The following DCUN1D4 variants were observed in gnomAD, a reference collection of about 807,000 sequenced individuals.
The protein encoded by DCUN1D4 is DCN1-like protein 4.
In DCUN1D4, 22 loss-of-function variants were observed where a neutral mutation model predicts 47.9. The ratio of observed to expected loss-of-function variants is 0.46; its 90% confidence interval spans 0.33 to 0.66. DCUN1D4 has a LOEUF of 0.66. Among genes scored for constraint, DCUN1D4 ranks in the 30% least tolerant of loss-of-function variants. The pLI, the probability that DCUN1D4 is intolerant of heterozygous loss-of-function variation, is 0.02. For missense variants in DCUN1D4, 301 were observed against 340.8 expected (o/e 0.88, Z 0.92); for synonymous variants, 121 against 112.2 (o/e 1.08, Z -0.50).
At chr4:51,880,135 ATG>A (rs1410453846) in intron 5 of DCUN1D4, among the ~76,000 whole-genome samples, 2 of 152,172 alleles carry the variant, frequency 1.3e-5, no homozygotes, top group Non-Finnish European at 2.9e-5. Context: ...CCCCATTGGC[ATG>A]TGTTTTCATT....
chr4:51,899,256 TTC>T lies in DCUN1D4; in HGVS notation c.507-12_507-11del. On this transcript the variant is annotated splice_polypyrimidine_tract_variant and intron_variant, in intron 7 of 10. Transcript: ENST00000334635. ...GAACTCAGGTCATAATTTGCCTTTA[TTC>T]TGTTTTTCTAGATGTGATACAACAG... 2.5e-6 allele frequency: 4 copies of T among 1,583,486 alleles called. No homozygotes were observed. The highest frequency in any genetic ancestry group is 3.4e-6 in the Non-Finnish European group (4 of 1,169,508).
intron 1 of DCUN1D4, among the ~76,000 whole-genome samples, chr4:51,860,862 G>T (rs542065682): frequency 6.6e-6 from 1 of 152,236 alleles, no homozygotes; most frequent in East Asian, 1.9e-4. Context: ...ACCATCATAG[G>T]CTAAAAGATG....
At chr4:51,912,308 CTT>C (rs1164858896) in intron 9 of DCUN1D4, among the ~76,000 whole-genome samples, 3 of 152,132 alleles carry the variant, frequency 2.0e-5, no homozygotes, top group Admixed American at 6.6e-5. Context: ...GGAAATCTGA[CTT>C]TGTGTAATTC....
intron 3 of DCUN1D4, among the ~76,000 whole-genome samples, chr4:51,871,483 T>C (rs1022914767): frequency 1.4e-4 from 22 of 152,160 alleles, no homozygotes; most frequent in Admixed American, 1.2e-3. Context: ...GTAGACGTTA[T>C]TTTAAACAGT....
chr4:51,843,393 A>T (rs1283969222), intron 1 of DCUN1D4, 126 bp downstream of exon 1: 43 of 1,298,696 alleles, frequency 3.3e-5, no homozygotes, highest in Admixed American at 1.1e-4. Context: ...CCTGGGAACC[A>T]CCCCTTCCCC....
At chr4:51,842,899 T>G, upstream of DCUN1D4, 2 of 409,452 alleles carry the variant, frequency 4.9e-6, no homozygotes, top group Non-Finnish European at 7.9e-6. Flanking sequence ...CTCGGACCCC[T>G]GGGGGTGACT....
At chr4:51,895,583 A>C (rs1731137159) in intron 7 of DCUN1D4, among the ~76,000 whole-genome samples, 3 of 131,300 alleles carry the variant, frequency 2.3e-5, no homozygotes, top group Admixed American at 7.3e-5. Flanking sequence ...AAAAAAAAAA[A>C]AAAAACAGTG....
At chr4:51,874,664 G>A in intron 4 of DCUN1D4, 1 of 284,736 alleles carries the variant, frequency 3.5e-6, no homozygotes, top group Non-Finnish European at 6.7e-6. Flanking sequence ...TCCTTTCAAA[G>A]CCTTGCTGTC....
At chr4:51,864,585 G>C (rs777169240) in intron 3 of DCUN1D4, among the ~76,000 whole-genome samples, 2 of 152,142 alleles carry the variant, frequency 1.3e-5, no homozygotes, top group Non-Finnish European at 2.9e-5. Context: ...CAGATCCTGG[G>C]TCTGGTGAGG....
intron 1 of DCUN1D4, among the ~76,000 whole-genome samples, chr4:51,859,091 C>T (rs924564619): frequency 5.3e-5 from 8 of 152,168 alleles, no homozygotes; most frequent in African/African-American, 2.4e-5. Context: ...CTTCTTTTCC[C>T]CACCTCTTTT....
At chr4:51,907,743 T>C (rs1220008701) in intron 8 of DCUN1D4, among the ~76,000 whole-genome samples, 1 of 152,202 alleles carries the variant, frequency 6.6e-6, no homozygotes, top group Non-Finnish European at 1.5e-5. Context: ...TTGGTATAAA[T>C]TGGAAATACA....
Position 51,900,801 on chromosome 4 carries a change from C to CT in DCUN1D4, c.615+1425dup, listed in dbSNP as rs371874114. Among the ~76,000 whole-genome samples the CT allele has an allele frequency of 2.8e-3, 426 of 151,540 alleles. 2 individuals carry two copies. The highest frequency in any genetic ancestry group is 0.01 in the African/African-American group (414 of 41,316). On this transcript the variant is annotated intron_variant, in intron 8 of 10. Coordinates refer to ENST00000334635, the MANE Select transcript of DCUN1D4 (RefSeq NM_001040402.3). ...TTTTTCCTCCCAAAGTCAGCTGTTTCTTATAGTATGGGTAGAAATTCATTT... is the reference window on the plus strand; with the variant it reads ...TTTTTCCTCCCAAAGTCAGCTGTTTCTTTATAGTATGGGTAGAAATTCATTT...
chr4:51,849,500 T>C (rs1206801486), intron 1 of DCUN1D4, among the ~76,000 whole-genome samples: 1 of 152,204 alleles, frequency 6.6e-6, no homozygotes, highest in Non-Finnish European at 1.5e-5. Flanking sequence ...TCACTGTCGC[T>C]GGTCAGATAC....
chr4:51,891,807 T>A lies in DCUN1D4; in HGVS notation c.462T>A (p.Gly154=). The change falls in exon 7 of 11, where the codon GGT becomes GGA. Residue 154 remains glycine (G), a synonymous_variant. Coordinates refer to ENST00000334635, the MANE Select transcript of DCUN1D4 (RefSeq NM_001040402.3). Reference sequence around the variant, plus strand: ...GGAAATTGGATGCACAAAACATGGGTTATTTTACTCTACAGGAGTGGTTAA... The same window carrying A: ...GGAAATTGGATGCACAAAACATGGGATATTTTACTCTACAGGAGTGGTTAA... ...LAWKLDAQNM[G]YFTLQEWLKG... The A allele has an allele frequency of 6.2e-7, 1 of 1,613,528 alleles. No homozygotes were observed.
At chr4:51,910,543 C>T (rs1394097243) in intron 8 of DCUN1D4, among the ~76,000 whole-genome samples, 3 of 152,018 alleles carry the variant, frequency 2.0e-5, no homozygotes, top group Admixed American at 6.6e-5. Flanking sequence ...ACTTCAGAGC[C>T]CCAGCATTTG....
At chr4:51,858,454 A>G (rs902765724) in intron 1 of DCUN1D4, among the ~76,000 whole-genome samples, 2 of 152,168 alleles carry the variant, frequency 1.3e-5, no homozygotes, top group Non-Finnish European at 2.9e-5. Flanking sequence ...TAGCAGATGC[A>G]GGGTGTACAA....
intron 8 of DCUN1D4, among the ~76,000 whole-genome samples, chr4:51,909,754 T>C (rs1020548421): frequency 1.3e-5 from 2 of 152,312 alleles, no homozygotes; most frequent in African/African-American, 2.4e-5. Context: ...AAGGGTGATG[T>C]GGAGCCATCT....
chr4:51,859,376 G>A (rs1303291674), intron 1 of DCUN1D4, among the ~76,000 whole-genome samples: 3 of 152,016 alleles, frequency 2.0e-5, no homozygotes, highest in Non-Finnish European at 4.4e-5. Context: ...GGTATAAAGG[G>A]AAGTTTTTGC....
At chr4:51,845,529 G>C (rs1195248019) in intron 1 of DCUN1D4, among the ~76,000 whole-genome samples, 1 of 152,164 alleles carries the variant, frequency 6.6e-6, no homozygotes, top group Non-Finnish European at 1.5e-5. Context: ...CTTAATACTA[G>C]AAACCTTCCT....
Sources: allele counts gnomAD v4.1 joint callset (sites outside exome capture counted in the v4.1 genomes callset), GRCh38; gene constraint gnomAD v4.1.1; transcripts MANE v1.5; gene names NCBI Gene and HGNC (gene_info 2026-07-23, HGNC 2026-07-21).